SORCS2: variants seen among roughly 807,000 people sequenced by gnomAD.
SORCS2 encodes the protein VPS10 domain-containing receptor SorCS2.
A neutral mutation model predicts 141.6 loss-of-function variants in SORCS2; 100 were observed. The ratio of observed to expected loss-of-function variants is 0.71; its 90% confidence interval spans 0.60 to 0.83. The LOEUF is 0.83. Ranked by LOEUF, SORCS2 falls within the 40% of genes least tolerant of loss-of-function variation. SORCS2 has a pLI of 0.00. For missense variants in SORCS2, 1,646 were observed against 1,560.2 expected (o/e 1.05, Z -0.93); for synonymous variants, 789 against 676.9 (o/e 1.17, Z -2.57).
At chr4:7,221,383 T>G (rs1728697692) in intron 1 of SORCS2, among the ~76,000 whole-genome samples, 1 of 152,192 alleles carries the variant, frequency 6.6e-6, no homozygotes, top group African/African-American at 2.4e-5. Context: ...TACATGCATA[T>G]GTCCCCAGGT....
chr4:7,360,221 C>T (rs750666903), intron 1 of SORCS2, among the ~76,000 whole-genome samples: 10 of 152,288 alleles, frequency 6.6e-5, no homozygotes, highest in Middle Eastern at 6.8e-3. Flanking sequence ...ATACAGTCTT[C>T]GGAATCATAT....
intron 2 of SORCS2, among the ~76,000 whole-genome samples, chr4:7,423,743 A>T (rs919508128): frequency 1.3e-5 from 2 of 152,128 alleles, no homozygotes; most frequent in African/African-American, 4.8e-5. Flanking sequence ...TCTGGGGTGG[A>T]TGACTTTCTT....
chr4:7,530,736 G>T (rs1364084966), intron 2 of SORCS2, among the ~76,000 whole-genome samples: 1 of 152,246 alleles, frequency 6.6e-6, no homozygotes, highest in African/African-American at 2.4e-5. Context: ...CCAAACAACA[G>T]ATATGAAGTT....
chr4:7,731,435 A>G (rs976546069), intron 23 of SORCS2, among the ~76,000 whole-genome samples: 1 of 152,236 alleles, frequency 6.6e-6, no homozygotes, highest in Non-Finnish European at 1.5e-5. Context: ...CAAAATTTCA[A>G]TGATGTTTTT....
intron 3 of SORCS2, among the ~76,000 whole-genome samples, chr4:7,611,735 A>G (rs559711850): frequency 2.0e-5 from 3 of 152,382 alleles, no homozygotes; most frequent in East Asian, 1.9e-4. Context: ...TCCATGGCAC[A>G]TGAAAATGAC....
At chr4:7,351,613 T>A (rs1226331151) in intron 1 of SORCS2, among the ~76,000 whole-genome samples, 3 of 152,134 alleles carry the variant, frequency 2.0e-5, no homozygotes, top group Non-Finnish European at 2.9e-5. Flanking sequence ...TTCATGCTCC[T>A]CTGAAAAATC....
At chr4:7,385,066 T>G (rs969926762) in intron 1 of SORCS2, among the ~76,000 whole-genome samples, 6 of 152,108 alleles carry the variant, frequency 3.9e-5, no homozygotes, top group African/African-American at 1.4e-4. Context: ...AGGAGGGCTC[T>G]GTGGAGCAGG....
At chr4:7,712,991 G>A (rs904135756) in intron 15 of SORCS2, 138 bp downstream of exon 15, 12 of 1,294,476 alleles carry the variant, frequency 9.3e-6, no homozygotes, top group East Asian at 2.5e-5. Context: ...AATCCCCAGC[G>A]CCTTGAGATG....
chr4:7,329,796 C>G lies in SORCS2; in HGVS notation c.481-66492C>G, dbSNP rs138680490. On this transcript the variant is annotated intron_variant, in intron 1 of 26. Transcript: ENST00000507866. ...CTGCAGAAACTGTACTTTGAATACCCATACAACCTTTCCAGGTCAGCCAGG... is the reference window on the plus strand; with the variant it reads ...CTGCAGAAACTGTACTTTGAATACCGATACAACCTTTCCAGGTCAGCCAGG... Among the ~76,000 whole-genome samples, 399 of 152,278 alleles carry G rather than the reference C, an allele frequency of 2.6e-3. 1 individual carries two copies. The highest frequency in any genetic ancestry group is 4.5e-3 in the Non-Finnish European group (306 of 68,038).
intron 2 of SORCS2, among the ~76,000 whole-genome samples, chr4:7,414,738 G>A (rs1013537804): frequency 6.6e-6 from 1 of 152,192 alleles, no homozygotes; most frequent in African/African-American, 2.4e-5. Context: ...CAGGTGCAAG[G>A]TTCTAAATCT....
At position 7,664,326 on chromosome 4, in the gene SORCS2, G is replaced by A. The variant is rs561494867; in HGVS notation, c.953-27G>A. Reference sequence around the variant, plus strand: ...CTCTGGCTCCGGCTGGAGTCTGACCGCCTGGGTCGGCGCCTCTCTCCTGTA... The same window carrying A: ...CTCTGGCTCCGGCTGGAGTCTGACCACCTGGGTCGGCGCCTCTCTCCTGTA... On this transcript the variant is annotated intron_variant, in intron 6 of 26. Coordinates refer to ENST00000507866, the MANE Select transcript of SORCS2 (RefSeq NM_020777.3). The surrounding 1 kb of genome is among the most constrained non-coding windows in gnomAD (Gnocchi z 4.7). 124 of 1,594,048 alleles carry A rather than the reference G, an allele frequency of 7.8e-5. No homozygotes were observed. The highest frequency in any genetic ancestry group is 1.7e-4 in the Middle Eastern group (1 of 5,882).
At chr4:7,510,592 G>C (rs1244084373) in intron 2 of SORCS2, among the ~76,000 whole-genome samples, 1 of 150,750 alleles carries the variant, frequency 6.6e-6, no homozygotes, top group African/African-American at 2.4e-5. Flanking sequence ...CCAGCGGCTT[G>C]TTCTGTGCGC....
At chr4:7,635,195 C>G (rs6853206) in intron 3 of SORCS2, among the ~76,000 whole-genome samples, 10,225 of 152,178 alleles carry the variant, frequency 0.067, 1,148 homozygotes, top group African/African-American at 0.23. Flanking sequence ...GGAGGCTCAG[C>G]TAAAATGCCC....
chr4:7,329,579 GCCCAGTTCT>G (rs1719510712), intron 1 of SORCS2, among the ~76,000 whole-genome samples: 1 of 152,190 alleles, frequency 6.6e-6, no homozygotes, highest in South Asian at 2.1e-4. Flanking sequence ...AAGACCTTCA[GCCCAGTTCT>G]CCTGCCAAAC....
intron 1 of SORCS2, among the ~76,000 whole-genome samples, chr4:7,270,282 G>A (rs932344263): frequency 3.9e-5 from 6 of 152,282 alleles, no homozygotes; most frequent in African/African-American, 1.4e-4. Flanking sequence ...CAGCACGCGT[G>A]TGGGTGCAGC....
chr4:7,597,557 C>T (rs1372700112), intron 3 of SORCS2, among the ~76,000 whole-genome samples: 3 of 137,470 alleles, frequency 2.2e-5, no homozygotes, highest in Non-Finnish European at 4.6e-5. Context: ...AGGGAAGGAG[C>T]TGTTGCAATA....
At chr4:7,476,947 C>T (rs1191147105) in intron 2 of SORCS2, among the ~76,000 whole-genome samples, 5 of 152,234 alleles carry the variant, frequency 3.3e-5, no homozygotes, top group Non-Finnish European at 5.9e-5. Context: ...GCTGAGCTCC[C>T]TTGCTGTCCA....
intron 2 of SORCS2, among the ~76,000 whole-genome samples, chr4:7,523,819 T>C (rs1323886245): frequency 2.6e-5 from 4 of 151,772 alleles, no homozygotes; most frequent in South Asian, 2.1e-4. Flanking sequence ...CCCTCACTGC[T>C]CCACCGTGTT....
At chr4:7,383,912 A>G (rs2109075782) in intron 1 of SORCS2, among the ~76,000 whole-genome samples, 1 of 152,356 alleles carries the variant, frequency 6.6e-6, no homozygotes, top group East Asian at 1.9e-4. Flanking sequence ...ACCTATTAAA[A>G]TATACATTAT....
Sources: gnomAD v4.1 joint callset for allele counts (sites outside exome capture counted in the v4.1 genomes callset) on GRCh38, gnomAD v4.1.1 for gene constraint, Gnocchi (gnomAD v3.1) non-coding constraint, MANE v1.5 for transcripts, NCBI Gene and HGNC (gene_info 2026-07-23, HGNC 2026-07-21) for gene names.